The following ZC3H3 variants were observed in gnomAD, a reference collection of about 807,000 sequenced individuals.
ZC3H3 encodes the protein zinc finger CCCH-type containing 3.
A neutral mutation model predicts 77.3 loss-of-function variants in ZC3H3; 36 were observed. The ratio of observed to expected loss-of-function variants is 0.47; its 90% CI spans 0.36 to 0.61. The LOEUF is 0.61. ZC3H3 is among the 20% of genes least tolerant of loss of function. The probability of loss-of-function intolerance (pLI) is 0.00; values close to 1 mark genes in which losing one functional copy is unlikely to be tolerated. For synonymous variants in ZC3H3, 626 were observed against 555.2 expected (o/e 1.13, Z -1.79); for missense variants, 1,331 against 1,312.2 (o/e 1.01, Z -0.22).
At chr8:143,466,487 A>C (rs1371729436) in intron 8 of ZC3H3, among the ~76,000 whole-genome samples, 1 of 152,208 alleles carries the variant, frequency 6.6e-6, no homozygotes, top group African/African-American at 2.4e-5. Flanking sequence ...AGTGCTTGTT[A>C]TCACCACTGG....
Position 143,438,046 on chromosome 8 carries a change from C to A in ZC3H3, c.*10G>T. 1 of 1,610,346 alleles carries A rather than the reference C, an allele frequency of 6.2e-7. No homozygotes were observed. Among genetic ancestry groups the A allele is most frequent in the Non-Finnish European group, 8.5e-7 (1 of 1,178,618 alleles). On this transcript the variant is annotated 3_prime_UTR_variant, in exon 12 of 12. Transcript: ENST00000262577. ...GGTCTGAGGTAGGTGCAGGCCGGTC[C>A]CTGGGGTCCTCACAGACGTGGTTTG... is the stretch of plus-strand genomic sequence containing the variant.
chr8:143,457,773 A>G (rs764035428), intron 9 of ZC3H3, among the ~76,000 whole-genome samples: 12 of 152,192 alleles, frequency 7.9e-5, no homozygotes, highest in Non-Finnish European at 1.5e-4. Flanking sequence ...ACGCTGAGGC[A>G]GGAGGATTGC....
Position 143,473,284 on chromosome 8 carries a change from C to T in ZC3H3, c.1903+2114G>A, listed in dbSNP as rs570334413. ...CACTCCTGCCCAGGCCTCTGCATGG[C>T]GGCCTCAGGATGCTCTTGCTGCTTC... On this transcript the variant is annotated intron_variant, in intron 5 of 11. Transcript: ENST00000262577. Among the ~76,000 whole-genome samples the T allele has an allele frequency of 3.8e-4, 58 of 152,250 alleles. No homozygotes were observed. The East Asian group carries it at 6.6e-3, about 17-fold the overall frequency.
At chr8:143,441,466 C>T (rs1416752295) in intron 9 of ZC3H3, among the ~76,000 whole-genome samples, 5 of 152,192 alleles carry the variant, frequency 3.3e-5, no homozygotes, top group African/African-American at 1.2e-4. Flanking sequence ...CCAGCCAGCC[C>T]ATCCTGGCAG....
chr8:143,525,327 C>G (rs1276948687), intron 3 of ZC3H3, among the ~76,000 whole-genome samples: 1 of 152,256 alleles, frequency 6.6e-6, no homozygotes, highest in African/African-American at 2.4e-5. Context: ...GAAAGGAGGG[C>G]CCTGAGGGGT....
rs780327252 is a variant in ZC3H3 at position 143,536,292 on chromosome 8, A to T, written c.1526T>A (p.Leu509Gln). 4.3e-6 allele frequency: 7 copies of T among 1,611,934 alleles called. No homozygotes were observed. The South Asian group carries it at 7.7e-5, about 18-fold the overall frequency. The change falls in exon 3 of 12, where the codon CTG (leucine) becomes CAG (glutamine). Residue 509 changes from leucine to glutamine, a missense_variant. Coordinates refer to ENST00000262577, the MANE Select transcript of ZC3H3 (RefSeq NM_015117.3). Reference protein sequence around the residue: ...VQVTTHRLCRLPPSRAHLPTK... With the variant: ...VQVTTHRLCRQPPSRAHLPTK... ...GGGGAGGTGGGCCCGGCTCGGTGGC[A>T]GGCGACATAGTCGGTGCGTGGTGAC...
chr8:143,521,338 C>G (rs527842710), intron 3 of ZC3H3, among the ~76,000 whole-genome samples: 95 of 152,268 alleles, frequency 6.2e-4, no homozygotes, highest in Non-Finnish European at 1.1e-3. Context: ...GGACTGACCC[C>G]ACACTCCACC....
chr8:143,452,541 T>C lies in ZC3H3; in HGVS notation c.2308-11421A>G. On this transcript the variant is annotated intron_variant, in intron 9 of 11. Transcript: ENST00000262577. Reference sequence around the variant, plus strand: ...CTGACAGACAGGGCGTCAGAATTATTTCATAAAGACAGAACAGCATCACAA... The same window carrying C: ...CTGACAGACAGGGCGTCAGAATTATCTCATAAAGACAGAACAGCATCACAA... Among the ~76,000 whole-genome samples, 2 of 151,950 alleles carry C rather than the reference T, an allele frequency of 1.3e-5. 1 individual carries two copies. Among genetic ancestry groups the C allele is most frequent in the East Asian group, 3.8e-4 (2 of 5,200 alleles).
intron 3 of ZC3H3, among the ~76,000 whole-genome samples, chr8:143,509,074 T>C (rs1270049808): frequency 6.6e-6 from 1 of 151,994 alleles, no homozygotes; most frequent in Non-Finnish European, 1.5e-5. Flanking sequence ...AGCCCCTCCC[T>C]CAGGCGTTCC....
At chr8:143,446,420 A>G (rs1324444830) in intron 9 of ZC3H3, among the ~76,000 whole-genome samples, 1 of 152,252 alleles carries the variant, frequency 6.6e-6, no homozygotes, top group African/African-American at 2.4e-5. Context: ...AGTCCAGGAC[A>G]TTATATGTAT....
chr8:143,478,442 GC>G (rs1210345195), intron 4 of ZC3H3, among the ~76,000 whole-genome samples: 3 of 152,228 alleles, frequency 2.0e-5, no homozygotes, highest in South Asian at 4.1e-4. Context: ...CACCAGGGCC[GC>G]CCCTCAGCTC....
At chr8:143,472,567 G>A (rs1354479230) in intron 5 of ZC3H3, among the ~76,000 whole-genome samples, 1 of 152,194 alleles carries the variant, frequency 6.6e-6, no homozygotes, top group Non-Finnish European at 1.5e-5. Context: ...CATCCGGGTG[G>A]TGGGCACCGT....
chr8:143,441,031 G>C lies in ZC3H3; in HGVS notation c.2397C>G (p.Thr799=), dbSNP rs1819727762. 2.0e-6 allele frequency: 3 copies of C among 1,486,038 alleles called. No homozygotes were observed. The highest frequency in any genetic ancestry group is 2.9e-5 in the African/African-American group (2 of 67,846). 92.1% of individuals were successfully genotyped at this position (1,486,038 alleles called of 1,614,324 possible). A position where few individuals can be genotyped will look rare whatever the true frequency, so the allele number is the denominator to read the frequency against. Residue 799 remains threonine, a synonymous_variant, in exon 10 of 12, where the codon ACC becomes ACG. Coordinates refer to ENST00000262577, the MANE Select transcript of ZC3H3 (RefSeq NM_015117.3). ...RGAQCQLLHR[T]QKRHSRRAAT... ...CTGCCCGCCGACTGTGGCGTTTCTGGGTACGGTGGAGCAGCTGGCACTGGG... is the reference window on the plus strand; with the variant it reads ...CTGCCCGCCGACTGTGGCGTTTCTGCGTACGGTGGAGCAGCTGGCACTGGG...
chr8:143,534,174 T>C (rs966547689), intron 3 of ZC3H3, among the ~76,000 whole-genome samples: 3 of 151,762 alleles, frequency 2.0e-5, no homozygotes. Flanking sequence ...GTCCCAGCTA[T>C]TCAGCAGGGT....
At chr8:143,517,791 C>T (rs542484243) in intron 3 of ZC3H3, among the ~76,000 whole-genome samples, 2 of 152,304 alleles carry the variant, frequency 1.3e-5, no homozygotes, top group East Asian at 1.9e-4. Context: ...GCTTTGACCC[C>T]CCGCTCCTGC....
At position 143,494,393 on chromosome 8, in the gene ZC3H3, G is replaced by A. The variant is rs1190230363; in HGVS notation, c.1715+13353C>T. 6.6e-6 allele frequency among the ~76,000 whole-genome samples: 1 copy of A among 152,214 alleles called. No homozygotes were observed. The highest frequency in any genetic ancestry group is 1.5e-5 in the Non-Finnish European group (1 of 68,032). On this transcript the variant is annotated intron_variant, in intron 4 of 11. Transcript: ENST00000262577. This position sits in a 1 kb window ranked among gnomAD's most constrained non-coding sequence, Gnocchi z 5.3. ...TCTGAGCAGGCCCCAGGCTCTGGGT[G>A]GGAAAAGCACAAATGCCTGCCAGCG...
intron 3 of ZC3H3, among the ~76,000 whole-genome samples, chr8:143,511,731 G>A (rs1821875516): frequency 6.6e-6 from 1 of 152,208 alleles, no homozygotes; most frequent in African/African-American, 2.4e-5. Flanking sequence ...TGCACAGTGG[G>A]CTACAGAGAT....
intron 4 of ZC3H3, among the ~76,000 whole-genome samples, chr8:143,492,339 C>T (rs439232): frequency 0.028 from 4,232 of 152,184 alleles, 178 homozygotes; most frequent in African/African-American, 0.096. Context: ...CGGCCACCTC[C>T]CTCCTCCCAC....
chr8:143,464,832 G>C (rs937096913), intron 9 of ZC3H3, among the ~76,000 whole-genome samples: 3 of 152,154 alleles, frequency 2.0e-5, no homozygotes, highest in African/African-American at 7.2e-5. Flanking sequence ...CCCCTCCCCA[G>C]CCTGAGCCAG....
Sources: allele counts gnomAD v4.1 joint callset (sites outside exome capture counted in the v4.1 genomes callset), GRCh38; gene constraint gnomAD v4.1.1; non-coding constraint Gnocchi (gnomAD v3.1); transcripts MANE v1.5; gene names NCBI Gene and HGNC (gene_info 2026-07-23, HGNC 2026-07-21).